SEMA3E: variants seen among roughly 807,000 people sequenced by gnomAD.
SEMA3E encodes the protein semaphorin-3E.
Under a neutral mutation model 93.6 loss-of-function variants are expected in SEMA3E, and 49 were observed. That is an observed-to-expected ratio of 0.52 (90% CI 0.42 to 0.66). The LOEUF (loss-of-function observed/expected upper bound fraction) is 0.66. Ranked by LOEUF, SEMA3E falls within the 30% of genes least tolerant of loss-of-function variation. SEMA3E has a pLI of 0.00. For synonymous variants in SEMA3E, 363 were observed against 330.7 expected, an observed-to-expected ratio of 1.10 and a Z score of -1.06; for missense variants, 906 against 964.8, an observed-to-expected ratio of 0.94 and a Z score of 0.81.
intron 5 of SEMA3E, among the ~76,000 whole-genome samples, chr7:83,411,698 T>C (rs973445927): frequency 6.6e-6 from 1 of 152,272 alleles, no homozygotes; most frequent in East Asian, 1.9e-4. Context: ...AAATTTATTA[T>C]AACTATTTGG....
chr7:83,602,208 G>A (rs2115985694), intron 1 of SEMA3E, among the ~76,000 whole-genome samples: 1 of 152,210 alleles, frequency 6.6e-6, no homozygotes, highest in East Asian at 1.9e-4. Flanking sequence ...TTCCATCCCT[G>A]TCTAATCATA....
intron 1 of SEMA3E, among the ~76,000 whole-genome samples, chr7:83,535,971 A>G (rs1791404510): frequency 6.6e-6 from 1 of 152,166 alleles, no homozygotes; most frequent in Non-Finnish European, 1.5e-5. Flanking sequence ...CTCGTTAATC[A>G]AACTTCCCCA....
chr7:83,394,521 C>T (rs1348495258), intron 12 of SEMA3E, among the ~76,000 whole-genome samples, 183 bp from the exon 13 acceptor site: 2 of 152,082 alleles, frequency 1.3e-5, no homozygotes, highest in African/African-American at 4.8e-5. Context: ...AAACTTGTTT[C>T]TAACAGGGTG....
At chr7:83,521,841 C>T (rs932810830) in intron 1 of SEMA3E, among the ~76,000 whole-genome samples, 1 of 152,092 alleles carries the variant, frequency 6.6e-6, no homozygotes, top group Non-Finnish European at 1.5e-5. Context: ...TATCTCCTTA[C>T]TCCAAATATA....
intron 1 of SEMA3E, among the ~76,000 whole-genome samples, chr7:83,498,894 C>T (rs2722965): frequency 0.19 from 28,918 of 152,078 alleles, 4,226 homozygotes; most frequent in African/African-American, 0.4. Context: ...TACTTCTTTG[C>T]CCTCAATGGA....
chr7:83,374,249 A>G (rs868509423), intron 16 of SEMA3E, among the ~76,000 whole-genome samples: 1 of 150,776 alleles, frequency 6.6e-6, no homozygotes, highest in Admixed American at 6.6e-5. Flanking sequence ...AAGAAATTCA[A>G]ATTTAAACAA....
At chr7:83,481,938 A>T (rs1365270309) in intron 2 of SEMA3E, among the ~76,000 whole-genome samples, 1 of 152,238 alleles carries the variant, frequency 6.6e-6, no homozygotes, top group Admixed American at 6.5e-5. Flanking sequence ...CAGCAAGGAT[A>T]GTTAATACCC....
At chr7:83,403,268 T>A (rs1788265254) in intron 9 of SEMA3E, among the ~76,000 whole-genome samples, 1 of 150,750 alleles carries the variant, frequency 6.6e-6, no homozygotes, top group Non-Finnish European at 1.5e-5. Flanking sequence ...ATTTAAAGTC[T>A]TATGAAAATT....
chr7:83,462,181 C>G (rs1426445996), intron 4 of SEMA3E: 1 of 152,222 alleles, frequency 6.6e-6, no homozygotes, highest in East Asian at 1.9e-4. Context: ...TTATGGACGC[C>G]AAGCTTTGGG....
At chr7:83,524,822 C>T (rs1193841438) in intron 1 of SEMA3E, among the ~76,000 whole-genome samples, 3 of 151,992 alleles carry the variant, frequency 2.0e-5, no homozygotes, top group African/African-American at 7.2e-5. Flanking sequence ...GGTAGTCCAT[C>T]AGTTTCATCA....
At chr7:83,589,122 C>T (rs1445874369) in intron 1 of SEMA3E, among the ~76,000 whole-genome samples, 2 of 152,104 alleles carry the variant, frequency 1.3e-5, no homozygotes, top group Admixed American at 1.3e-4. Context: ...ATTGGCTCAG[C>T]CAATTATCAT....
chr7:83,529,802 A>G (rs1240946232), intron 1 of SEMA3E, among the ~76,000 whole-genome samples: 1 of 152,032 alleles, frequency 6.6e-6, no homozygotes, highest in Non-Finnish European at 1.5e-5. Flanking sequence ...AAGCATTTAG[A>G]AAAGGAAAAT....
At chr7:83,385,257 C>G in intron 16 of SEMA3E, 37 bp downstream of exon 16, 1 of 1,609,816 alleles carries the variant, frequency 6.2e-7, no homozygotes, top group African/African-American at 1.3e-5. Flanking sequence ...ACACTATATG[C>G]AAAATACTAT....
At chr7:83,463,840 C>T (rs898617166) in intron 4 of SEMA3E, among the ~76,000 whole-genome samples, 1 of 152,140 alleles carries the variant, frequency 6.6e-6, no homozygotes, top group East Asian at 1.9e-4. Context: ...CCCTCCCTTC[C>T]CTACACATCA....
chr7:83,608,354 T>C (rs1316991146), intron 1 of SEMA3E, among the ~76,000 whole-genome samples: 2 of 152,214 alleles, frequency 1.3e-5, no homozygotes, highest in Non-Finnish European at 2.9e-5. Flanking sequence ...TATTACTGTA[T>C]TATTTTTTAA....
chr7:83,591,605 T>C (rs1792758466), intron 1 of SEMA3E, among the ~76,000 whole-genome samples: 1 of 151,952 alleles, frequency 6.6e-6, no homozygotes, highest in Non-Finnish European at 1.5e-5. Context: ...TTTAATAGAA[T>C]AGGAGAAAAT....
intron 13 of SEMA3E, among the ~76,000 whole-genome samples, chr7:83,393,243 C>T (rs1048334945): frequency 4.6e-5 from 7 of 151,958 alleles, no homozygotes; most frequent in Non-Finnish European, 8.8e-5. Context: ...TCTATAGAAA[C>T]GGCTGGGTTT....
intron 1 of SEMA3E, among the ~76,000 whole-genome samples, chr7:83,556,439 A>G (rs1347808574): frequency 6.6e-6 from 1 of 152,172 alleles, no homozygotes; most frequent in Non-Finnish European, 1.5e-5. Context: ...ACATTAGTGA[A>G]CAAAACAGAC....
Position 83,600,486 on chromosome 7 carries a change from A to ATTTTTTTTTTTTTT in SEMA3E, c.115+47928_115+47941dup, listed in dbSNP as rs71522671. On this transcript the variant is annotated intron_variant, in intron 1 of 16. Transcript: ENST00000643230. ...AGGCGCCCGCCACCACGCCCAGCTA[A>ATTTTTTTTTTTTTT]TTTTTTTTTTTTTTTTTTTTTTTTT... 1.2e-3 allele frequency among the ~76,000 whole-genome samples: 76 copies of ATTTTTTTTTTTTTT among 63,078 alleles called. 2 individuals carry two copies. Among genetic ancestry groups the ATTTTTTTTTTTTTT allele is most frequent in the Non-Finnish European group, 1.5e-3 (52 of 33,840 alleles). 41.4% of individuals were successfully genotyped at this position (63,078 alleles called of 152,430 possible). A position where few individuals can be genotyped will look rare whatever the true frequency, so the allele number is the denominator to read the frequency against.
Sources: gnomAD v4.1 joint callset for allele counts (sites outside exome capture counted in the v4.1 genomes callset) on GRCh38, gnomAD v4.1.1 for gene constraint, MANE v1.5 for transcripts, NCBI Gene and HGNC (gene_info 2026-07-23, HGNC 2026-07-21) for gene names.